Variants in PDE1C observed in about 807,000 individuals in gnomAD.
The protein encoded by PDE1C is phosphodiesterase 1C, also known as dual specificity calcium/calmodulin-dependent 3',5'-cyclic nucleotide phosphodiesterase 1C.
PDE1C carries 62 observed loss-of-function variants against 93.1 expected under a neutral mutation model. The observed-to-expected ratio is 0.67, with a 90% CI of 0.54 to 0.82. The LOEUF (loss-of-function observed/expected upper bound fraction) is 0.82, where lower values mean the gene tolerates loss of function less well. PDE1C is among the 40% of genes least tolerant of loss of function. The pLI is 0.00. For synonymous variants in PDE1C, 325 were observed against 310.1 expected (o/e 1.05, Z -0.50); for missense variants, 742 against 884.6 (o/e 0.84, Z 2.04).
intron 3 of PDE1C, among the ~76,000 whole-genome samples, chr7:32,132,921 G>C (rs1800000835): frequency 6.6e-6 from 1 of 152,100 alleles, no homozygotes; most frequent in African/African-American, 2.4e-5. Flanking sequence ...ATAACTCCGA[G>C]ATTTTTATTT....
rs70989623 is a variant in PDE1C, at chr7:31,934,561, C to CAAA, written c.129-53704_129-53702dup. ...GCAAATTCAATTAGCACCACCAATA[C>CAAA]AAAAAAAAAAAAAATCACACTAGCT... is the stretch of plus-strand genomic sequence containing the variant. On this transcript the variant is annotated intron_variant, in intron 2 of 17. Transcript: ENST00000396191. Among the ~76,000 whole-genome samples, 240 of 145,482 alleles carry CAAA rather than the reference C, an allele frequency of 1.6e-3. 1 individual carries two copies. The highest frequency in any genetic ancestry group is 3.1e-3 in the Admixed American group (45 of 14,470).
intron 1 of PDE1C, among the ~76,000 whole-genome samples, chr7:32,398,594 G>C (rs1357164969): frequency 6.6e-6 from 1 of 151,830 alleles, no homozygotes; most frequent in Non-Finnish European, 1.5e-5. Context: ...TCACCATATT[G>C]GCCAGGCAGG....
At chr7:31,909,998 A>C (rs1465728059) in intron 2 of PDE1C, among the ~76,000 whole-genome samples, 1 of 152,206 alleles carries the variant, frequency 6.6e-6, no homozygotes, top group Non-Finnish European at 1.5e-5. Context: ...GTGACAACTA[A>C]AAATGTTTCC....
chr7:32,312,801 C>G (rs1031898736), intron 1 of PDE1C, among the ~76,000 whole-genome samples: 59 of 152,256 alleles, frequency 3.9e-4, no homozygotes, highest in Non-Finnish European at 6.6e-4. Flanking sequence ...CATAAAAACC[C>G]TAGAAGAAAA....
chr7:32,266,478 C>A (rs1810580553), intron 1 of PDE1C, among the ~76,000 whole-genome samples: 1 of 151,356 alleles, frequency 6.6e-6, no homozygotes, highest in South Asian at 2.1e-4. Context: ...TCCAGCCTGG[C>A]AACAGAGTGA....
chr7:31,770,558 C>T (rs551836286), intron 17 of PDE1C, among the ~76,000 whole-genome samples: 19 of 152,242 alleles, frequency 1.2e-4, no homozygotes, highest in African/African-American at 4.6e-4. Context: ...GTTGCCCAGG[C>T]TGGGGTGCAG....
At chr7:31,630,875 T>C in the PDE1C span, among the ~76,000 whole-genome samples, 1 of 151,972 alleles carries the variant, frequency 6.6e-6, no homozygotes, top group African/African-American at 2.4e-5. Flanking sequence ...CATTATTAGA[T>C]AGTGCTGAAT....
chr7:32,229,028 A>AC (rs1407514360), intron 1 of PDE1C, among the ~76,000 whole-genome samples: 2 of 151,866 alleles, frequency 1.3e-5, no homozygotes, highest in African/African-American at 2.4e-5. Context: ...TGTGCTTCCC[A>AC]CCCCCAAGCC....
chr7:31,756,836 G>A (rs1446567542), intron 17 of PDE1C, among the ~76,000 whole-genome samples: 3 of 152,200 alleles, frequency 2.0e-5, no homozygotes, highest in African/African-American at 7.2e-5. Context: ...AGGAAACAGA[G>A]CCAGTTGAAC....
At chr7:32,277,799 C>T (rs1437969700) in intron 1 of PDE1C, among the ~76,000 whole-genome samples, 1 of 152,164 alleles carries the variant, frequency 6.6e-6, no homozygotes, top group Non-Finnish European at 1.5e-5. Context: ...AAATATAACA[C>T]TAATGTGGGT....
At chr7:32,398,151 T>C (rs1272757286) in intron 1 of PDE1C, among the ~76,000 whole-genome samples, 1 of 127,756 alleles carries the variant, frequency 7.8e-6, no homozygotes, top group South Asian at 2.5e-4. Flanking sequence ...AGACTCCGTC[T>C]CAAAAAAAAA....
intron 1 of PDE1C, among the ~76,000 whole-genome samples, chr7:32,055,636 A>C (rs957091668): frequency 2.0e-5 from 3 of 152,284 alleles, no homozygotes; most frequent in East Asian, 3.9e-4. Flanking sequence ...TGGAAAAAAA[A>C]CCCCAGTTTA....
chr7:31,762,491 C>G (rs1300907636), intron 17 of PDE1C, among the ~76,000 whole-genome samples: 2 of 152,086 alleles, frequency 1.3e-5, no homozygotes, highest in East Asian at 3.9e-4. Context: ...AGAAGCATCC[C>G]ACCATGCCTA....
At chr7:31,863,280 G>C (rs1401653457) in intron 7 of PDE1C, among the ~76,000 whole-genome samples, 1 of 152,092 alleles carries the variant, frequency 6.6e-6, no homozygotes, top group Non-Finnish European at 1.5e-5. Context: ...CAGTGCATAG[G>C]AGAGCTCTTT....
At chr7:31,903,658 A>G (rs58212168) in intron 2 of PDE1C, among the ~76,000 whole-genome samples, 4,786 of 152,194 alleles carry the variant, frequency 0.031, 237 homozygotes, top group African/African-American at 0.11. Context: ...ATTAAATATC[A>G]GGATAGTCTA....
At chr7:31,922,889 C>G (rs942715363) in intron 2 of PDE1C, among the ~76,000 whole-genome samples, 1 of 152,158 alleles carries the variant, frequency 6.6e-6, no homozygotes, top group Non-Finnish European at 1.5e-5. Flanking sequence ...AAGAACAACA[C>G]AGTTTATGAC....
At chr7:31,679,946 G>A in the PDE1C span, among the ~76,000 whole-genome samples, 1 of 152,182 alleles carries the variant, frequency 6.6e-6, no homozygotes, top group Non-Finnish European at 1.5e-5. Flanking sequence ...AAGAAAGCAA[G>A]CGAGGGAAGA....
chr7:31,642,629 A>C, the PDE1C span: 1 of 1,515,420 alleles, frequency 6.6e-7, no homozygotes, highest in East Asian at 2.3e-5. Flanking sequence ...CCTTAAACCT[A>C]TTGCCTCCTC....
At chr7:31,812,274 T>A (rs1033923934) in intron 15 of PDE1C, among the ~76,000 whole-genome samples, 1 of 152,138 alleles carries the variant, frequency 6.6e-6, no homozygotes, top group African/African-American at 2.4e-5. Flanking sequence ...TGTTGAAGAC[T>A]CAGGTTCCTG....
Sources: allele counts gnomAD v4.1 joint callset (sites outside exome capture counted in the v4.1 genomes callset), GRCh38; gene constraint gnomAD v4.1.1; transcripts MANE v1.5; gene names NCBI Gene and HGNC (gene_info 2026-07-23, HGNC 2026-07-21).